DPY19L1: variants seen among roughly 807,000 people sequenced by gnomAD.
The protein encoded by DPY19L1 is dpy-19 like C-mannosyltransferase 1.
A neutral mutation model predicts 96.9 loss-of-function variants in DPY19L1; 35 were observed. The observed-to-expected ratio is 0.36, with a 90% CI of 0.28 to 0.48. The LOEUF is 0.48. Ranked by LOEUF, DPY19L1 falls within the 20% of genes least tolerant of loss-of-function variation. The pLI is 0.99. For synonymous variants in DPY19L1, 205 were observed against 252.6 expected, an observed-to-expected ratio of 0.81 and a Z score of 1.79; for missense variants, 521 against 777.9, an observed-to-expected ratio of 0.67 and a Z score of 3.93.
At chr7:34,959,724 G>C (rs957710988) in intron 10 of DPY19L1, among the ~76,000 whole-genome samples, 2 of 151,344 alleles carry the variant, frequency 1.3e-5, no homozygotes, top group Non-Finnish European at 2.9e-5. Context: ...GGGGCTGGGG[G>C]GCTAGGGGAG....
chr7:34,981,606 G>A (rs1272358082), intron 7 of DPY19L1, among the ~76,000 whole-genome samples: 1 of 152,182 alleles, frequency 6.6e-6, no homozygotes, highest in Admixed American at 6.5e-5. Flanking sequence ...TGCCTCCAGA[G>A]GTAATGCAAA....
At position 34,960,621 on chromosome 7, in the gene DPY19L1, C is replaced by T. The variant is rs1414400818; in HGVS notation, c.1093-2551G>A. 5.3e-5 allele frequency among the ~76,000 whole-genome samples: 8 copies of T among 152,066 alleles called. No individual in the cohort carries two copies. In the East Asian group the frequency reaches 1.5e-3, roughly 29 times the overall value. On this transcript the variant is annotated intron_variant, in intron 10 of 21. Transcript: ENST00000638088. ...CAGTCAATTGTATTAGCTGACATTT[C>T]TGCAATAATGTTAAGTAATGAGAGA...
intron 7 of DPY19L1, among the ~76,000 whole-genome samples, chr7:34,979,558 T>C (rs551069671): frequency 6.6e-6 from 1 of 152,098 alleles, no homozygotes; most frequent in Admixed American, 6.5e-5. Flanking sequence ...CCATACTTGG[T>C]AGGATTGTTA....
In DPY19L1 at chr7:34,949,863, A is replaced by G. The variant is rs778895208; in HGVS notation, c.1356T>C (p.Phe452=). The G allele has an allele frequency of 9.4e-6, 15 of 1,601,062 alleles. No individual in the cohort carries two copies. Among genetic ancestry groups the G allele is most frequent in the Non-Finnish European group, 1.2e-5 (14 of 1,174,714 alleles). The change falls in exon 14 of 22, where the codon TTT becomes TTC. Residue 452 remains phenylalanine, a synonymous_variant. Coordinates refer to ENST00000638088, the MANE Select transcript of DPY19L1 (RefSeq NM_001366673.1). Reference sequence around the variant, plus strand: ...ATAAAGTATCAAAATCCTTATAACTAAAGAATTTTGATGTTAGTAAGTTGC... The same window carrying G: ...ATAAAGTATCAAAATCCTTATAACTGAAGAATTTTGATGTTAGTAAGTTGC... ...HIGNLLTSKF[F]SYKDFDTLLY...
At chr7:34,939,471 G>C (rs1365159269) in intron 19 of DPY19L1, 96 bp from the exon 20 acceptor site, 4 of 1,004,320 alleles carry the variant, frequency 4.0e-6, no homozygotes, top group Non-Finnish European at 5.9e-6. Context: ...GTAACAGAGC[G>C]GAAGCCCAGC....
intron 15 of DPY19L1, 96 bp downstream of exon 15, chr7:34,947,534 G>A (rs1784174821): frequency 7.3e-6 from 7 of 959,574 alleles, no homozygotes; most frequent in Admixed American, 5.1e-5. Flanking sequence ...CATACAAAAC[G>A]TTGTATCAGA....
intron 13 of DPY19L1, among the ~76,000 whole-genome samples, chr7:34,950,200 C>T (rs761315509): frequency 1.2e-4 from 19 of 152,172 alleles, no homozygotes; most frequent in Non-Finnish European, 2.4e-4. Context: ...ACAGCATCTC[C>T]CTTGCTGGAG....
At chr7:35,030,348 T>C (rs1382147735) in intron 1 of DPY19L1, among the ~76,000 whole-genome samples, 2 of 152,202 alleles carry the variant, frequency 1.3e-5, no homozygotes, top group Admixed American at 6.5e-5. Flanking sequence ...AAACTAATAA[T>C]TTGTCTAGGT....
intron 1 of DPY19L1, among the ~76,000 whole-genome samples, chr7:35,034,103 G>C (rs1482410857): frequency 6.6e-6 from 1 of 152,080 alleles, no homozygotes; most frequent in Non-Finnish European, 1.5e-5. Context: ...GAGTCAAACA[G>C]GATTAATGCA....
intron 1 of DPY19L1, among the ~76,000 whole-genome samples, chr7:35,022,947 C>T (rs1423303949): frequency 6.6e-6 from 1 of 152,148 alleles, no homozygotes; most frequent in Non-Finnish European, 1.5e-5. Context: ...ACACTCCCCT[C>T]GGAGAGATTT....
chr7:34,967,410 G>A (rs1784634239), intron 9 of DPY19L1, among the ~76,000 whole-genome samples: 1 of 152,136 alleles, frequency 6.6e-6, no homozygotes, highest in Admixed American at 6.5e-5. Flanking sequence ...CTGCTTGCTA[G>A]TCACTCTTTA....
At chr7:34,990,881 C>T (rs1291636134) in intron 6 of DPY19L1, among the ~76,000 whole-genome samples, 2 of 152,106 alleles carry the variant, frequency 1.3e-5, no homozygotes, top group Non-Finnish European at 2.9e-5. Context: ...ACAGAGAGGT[C>T]AGAGAGGAAA....
rs1334185441 is a variant in DPY19L1 at position 34,930,480 on chromosome 7, G to T, written c.*1093C>A. ...AGGCTTAAGGCTTTGTCTTATTAAA[G>T]ACAGGCAATCTTAAAAGTAAAATAT... On this transcript the variant is annotated 3_prime_UTR_variant, in exon 22 of 22. Transcript: ENST00000638088. 1.3e-5 allele frequency: 2 copies of T among 152,042 alleles called. No individual in the cohort carries two copies. Among genetic ancestry groups the T allele is most frequent in the African/African-American group, 2.4e-5 (1 of 41,414 alleles). 9.4% of individuals were successfully genotyped at this position (152,042 alleles called of 1,614,324 possible). A position where few individuals can be genotyped will look rare whatever the true frequency, so the allele number is the denominator to read the frequency against.
chr7:34,966,821 C>T (rs1784620242), intron 10 of DPY19L1, 73 bp downstream of exon 10: 5 of 1,318,110 alleles, frequency 3.8e-6, no homozygotes, highest in South Asian at 2.9e-5. Context: ...TAGTTTCAAC[C>T]ATGAACAAAT....
chr7:34,994,851 T>C (rs1007757595), intron 6 of DPY19L1, among the ~76,000 whole-genome samples: 3 of 151,958 alleles, frequency 2.0e-5, no homozygotes, highest in African/African-American at 7.2e-5. Context: ...AGGATGAGGT[T>C]TGCCTAAGAA....
In DPY19L1 at chr7:35,033,231, G is replaced by C. The variant is rs369189387; in HGVS notation, c.298+3866C>G. On this transcript the variant is annotated intron_variant, in intron 1 of 21. Coordinates refer to ENST00000638088, the MANE Select transcript of DPY19L1 (RefSeq NM_001366673.1). ...ACATCTTTTCTTTCTATCGGTCTCA[G>C]CTTCAAGGCTACCTCCCCAGAGACC... is the stretch of plus-strand genomic sequence containing the variant. 9.8e-5 allele frequency among the ~76,000 whole-genome samples: 15 copies of C among 152,300 alleles called. No individual in the cohort carries two copies. In the East Asian group the frequency reaches 2.1e-3, roughly 22 times the overall value.
intron 7 of DPY19L1, among the ~76,000 whole-genome samples, chr7:34,989,304 T>A (rs890374205): frequency 3.3e-5 from 5 of 152,182 alleles, no homozygotes; most frequent in Non-Finnish European, 5.9e-5. Context: ...TTTCACAGTT[T>A]TAAAATTATA....
chr7:35,036,870 G>A (rs867500178), intron 1 of DPY19L1, among the ~76,000 whole-genome samples: 1 of 151,830 alleles, frequency 6.6e-6, no homozygotes, highest in Non-Finnish European at 1.5e-5. Context: ...GGCAGAGCGC[G>A]GGTGGGAAGC....
chr7:34,958,124 T>C, intron 10 of DPY19L1, 54 bp from the exon 11 acceptor site: 1 of 1,271,430 alleles, frequency 7.9e-7, no homozygotes. Context: ...AAAAAACCTT[T>C]GTTTTTTATT....
Sources: gnomAD v4.1 joint callset for allele counts (sites outside exome capture counted in the v4.1 genomes callset) on GRCh38, gnomAD v4.1.1 for gene constraint, MANE v1.5 for transcripts, NCBI Gene and HGNC (gene_info 2026-07-23, HGNC 2026-07-21) for gene names.